IGF1R: variants seen among roughly 807,000 people sequenced by gnomAD.
The protein encoded by IGF1R is insulin-like growth factor 1 receptor.
In IGF1R, 44 loss-of-function variants were observed where a neutral mutation model predicts 144.6. The ratio of observed to expected loss-of-function variants is 0.30; its 90% CI spans 0.24 to 0.39. The LOEUF (loss-of-function observed/expected upper bound fraction) is 0.39, where lower values mean the gene tolerates loss of function less well. Among genes scored for constraint, IGF1R ranks in the 10% least tolerant of loss-of-function variants. The pLI is 1.00. For synonymous variants in IGF1R, 795 were observed against 722.8 expected, an observed-to-expected ratio of 1.10 and a Z score of -1.60; for missense variants, 1,355 against 1,833.7, an observed-to-expected ratio of 0.74 and a Z score of 4.77.
intron 2 of IGF1R, among the ~76,000 whole-genome samples, chr15:98,881,935 C>T (rs908910186): frequency 1.3e-5 from 2 of 152,188 alleles, no homozygotes; most frequent in African/African-American, 4.8e-5. Context: ...TATTCAGAAT[C>T]TCCAGTATAA....
At chr15:98,725,316 A>G (rs1002311687) in intron 2 of IGF1R, among the ~76,000 whole-genome samples, 2 of 152,176 alleles carry the variant, frequency 1.3e-5, no homozygotes, top group African/African-American at 4.8e-5. Context: ...GGAAAAAAAC[A>G]AAAACAAAAA....
chr15:98,765,289 C>G (rs1289873882), intron 2 of IGF1R, among the ~76,000 whole-genome samples: 24 of 148,444 alleles, frequency 1.6e-4, no homozygotes, highest in Non-Finnish European at 3.0e-5. Flanking sequence ...TCTCTCTCAC[C>G]CAATGATCAT....
chr15:98,753,279 C>T lies in IGF1R; in HGVS notation c.640+45172C>T, dbSNP rs1004048081. Among the ~76,000 whole-genome samples the T allele has an allele frequency of 1.5e-4, 23 of 148,998 alleles. 1 individual carries two copies. Among genetic ancestry groups the T allele is most frequent in the Non-Finnish European group, 2.8e-4 (19 of 67,508 alleles). On this transcript the variant is annotated intron_variant, in intron 2 of 20. Coordinates refer to ENST00000650285, the MANE Select transcript of IGF1R (RefSeq NM_000875.5). ...GGTCTCAGGCTGGCGTGCAGTGGCA[C>T]GATCTCGGCTCACTGCAGCCTTGAC...
chr15:98,656,605 A>T (rs79935263), intron 1 of IGF1R, among the ~76,000 whole-genome samples: 2 of 149,840 alleles, frequency 1.3e-5, no homozygotes, highest in Middle Eastern at 3.5e-3. Context: ...TCTGGAAAAC[A>T]TTTTTTTTTT....
At chr15:98,758,154 A>G (rs2055201733) in intron 2 of IGF1R, among the ~76,000 whole-genome samples, 2 of 150,812 alleles carry the variant, frequency 1.3e-5, no homozygotes. Context: ...ATCCTCCAGA[A>G]TCTGATACTC....
chr15:98,710,725 G>C (rs547899057), intron 2 of IGF1R, among the ~76,000 whole-genome samples: 1 of 149,456 alleles, frequency 6.7e-6, no homozygotes, highest in Non-Finnish European at 1.5e-5. Context: ...GGAGTGCAGC[G>C]GCGCGATCTC....
intron 20 of IGF1R, among the ~76,000 whole-genome samples, chr15:98,951,229 C>T (rs546429746): frequency 5.3e-5 from 8 of 152,352 alleles, no homozygotes; most frequent in African/African-American, 1.2e-4. Flanking sequence ...ACCAGAAAGT[C>T]GGCTGGTGCC....
chr15:98,758,859 G>C (rs545377757), intron 2 of IGF1R, among the ~76,000 whole-genome samples: 1 of 152,312 alleles, frequency 6.6e-6, no homozygotes, highest in African/African-American at 2.4e-5. Flanking sequence ...TCCCCATAAA[G>C]ACTATATTTG....
chr15:98,794,197 G>T (rs1001088868), intron 2 of IGF1R, among the ~76,000 whole-genome samples: 1 of 152,168 alleles, frequency 6.6e-6, no homozygotes, highest in Non-Finnish European at 1.5e-5. Context: ...ATTTAGAAAC[G>T]CCAGTCTAGA....
chr15:98,690,359 C>T (rs2053446253), intron 1 of IGF1R, among the ~76,000 whole-genome samples: 1 of 152,128 alleles, frequency 6.6e-6, no homozygotes, highest in Non-Finnish European at 1.5e-5. Flanking sequence ...AACAAAAACA[C>T]ATGCTTATGG....
intron 1 of IGF1R, among the ~76,000 whole-genome samples, chr15:98,652,078 T>C (rs1555428291): frequency 6.6e-6 from 1 of 152,206 alleles, no homozygotes; most frequent in Non-Finnish European, 1.5e-5. Context: ...ATTGAGAGAT[T>C]AGAGTTTCCT....
At chr15:98,794,419 A>G (rs2056194219) in intron 2 of IGF1R, among the ~76,000 whole-genome samples, 1 of 152,126 alleles carries the variant, frequency 6.6e-6, no homozygotes, top group South Asian at 2.1e-4. Flanking sequence ...TGGTGCTCAG[A>G]TTGCTTAGTG....
In IGF1R at chr15:98,896,708, G is replaced by A. The variant is rs376313628; in HGVS notation, c.954-49G>A. On this transcript the variant is annotated intron_variant, in intron 3 of 20. Transcript: ENST00000650285. ...CCTTATGGTTTTTTTAATGCAAGAA[G>A]ACAGACTCAATTATGTGTGTTTTTG... The A allele has an allele frequency of 1.3e-5, 21 of 1,582,454 alleles. No individual in the cohort carries two copies. The African/African-American group carries it at 2.7e-4, about 20-fold the overall frequency.
At chr15:98,654,184 C>G (rs770412276) in intron 1 of IGF1R, among the ~76,000 whole-genome samples, 7 of 151,880 alleles carry the variant, frequency 4.6e-5, no homozygotes, top group Non-Finnish European at 1.0e-4. Flanking sequence ...CCTTTTTTGC[C>G]TCATTGGTGC....
intron 11 of IGF1R, among the ~76,000 whole-genome samples, 179 bp downstream of exon 11, chr15:98,922,610 C>T (rs2015536974): frequency 6.6e-6 from 1 of 152,146 alleles, no homozygotes; most frequent in African/African-American, 2.4e-5. Flanking sequence ...GGAACAGAGC[C>T]CACGCTCTCC....
At chr15:98,769,270 A>G (rs532113751) in intron 2 of IGF1R, among the ~76,000 whole-genome samples, 1 of 152,276 alleles carries the variant, frequency 6.6e-6, no homozygotes, top group East Asian at 1.9e-4. Flanking sequence ...AGGGATAGGC[A>G]TTGTGTTTTG....
chr15:98,657,432 A>G (rs1403267509), intron 1 of IGF1R, among the ~76,000 whole-genome samples: 1 of 152,234 alleles, frequency 6.6e-6, no homozygotes, highest in East Asian at 1.9e-4. Flanking sequence ...GTCCACATTT[A>G]TCTGTGTTGT....
chr15:98,775,650 G>T (rs1455780711), intron 2 of IGF1R, among the ~76,000 whole-genome samples: 1 of 152,206 alleles, frequency 6.6e-6, no homozygotes, highest in Non-Finnish European at 1.5e-5. Context: ...TGGCTTCTGT[G>T]CCTGTGGCCC....
chr15:98,959,615 G>T lies in IGF1R; in HGVS notation c.*2173G>T, dbSNP rs2017145291. Reference sequence around the variant, plus strand: ...CACTTTCCCTCGGCCAGGAATCCAGGTCCTTGGGGCCCAGGGGTCTTGTCT... The same window carrying T: ...CACTTTCCCTCGGCCAGGAATCCAGTTCCTTGGGGCCCAGGGGTCTTGTCT... On this transcript the variant is annotated 3_prime_UTR_variant, in exon 21 of 21. Transcript: ENST00000650285. The T allele has an allele frequency of 4.3e-6, 1 of 233,620 alleles. No individual in the cohort carries two copies. Among genetic ancestry groups the T allele is most frequent in the East Asian group, 6.0e-5 (1 of 16,578 alleles). 14.5% of individuals were successfully genotyped at this position (233,620 alleles called of 1,614,324 possible). A position where few individuals can be genotyped will look rare whatever the true frequency, so the allele number is the denominator to read the frequency against.
Sources: allele counts gnomAD v4.1 joint callset (sites outside exome capture counted in the v4.1 genomes callset), GRCh38; gene constraint gnomAD v4.1.1; transcripts MANE v1.5; gene names NCBI Gene and HGNC (gene_info 2026-07-23, HGNC 2026-07-21).